The following LHFPL4 variants were observed in gnomAD, a reference collection of about 807,000 sequenced individuals.
LHFPL4 encodes LHFPL tetraspan subfamily member 4 protein.
Under a neutral mutation model 20.0 loss-of-function variants are expected in LHFPL4, and 6 were observed. The ratio of observed to expected loss-of-function variants is 0.30; its 90% CI spans 0.16 to 0.59. The LOEUF is 0.59. Among genes scored for constraint, LHFPL4 ranks in the 20% least tolerant of loss-of-function variants. The pLI is 0.88. For missense variants in LHFPL4, 215 were observed against 331.2 expected, an observed-to-expected ratio of 0.65 and a Z score of 2.72; for synonymous variants, 129 against 143.8, an observed-to-expected ratio of 0.90 and a Z score of 0.74.
At chr3:9,533,534 A>G (rs921841291) in intron 2 of LHFPL4, among the ~76,000 whole-genome samples, 2 of 152,182 alleles carry the variant, frequency 1.3e-5, no homozygotes, top group South Asian at 2.1e-4. Flanking sequence ...TGTAATCCCA[A>G]CACTTTGCGA....
chr3:9,545,805 G>T (rs2046508103), intron 2 of LHFPL4, among the ~76,000 whole-genome samples: 1 of 151,252 alleles, frequency 6.6e-6, no homozygotes, highest in South Asian at 2.1e-4. Flanking sequence ...GCTACTGAGG[G>T]AGCTGAGGTG....
chr3:9,547,979 T>C (rs1276034016), intron 2 of LHFPL4, among the ~76,000 whole-genome samples: 1 of 152,110 alleles, frequency 6.6e-6, no homozygotes, highest in African/African-American at 2.4e-5. Context: ...CTAATTTTTG[T>C]ATTATTTGTA....
chr3:9,514,503 A>G (rs2046284669), intron 2 of LHFPL4, among the ~76,000 whole-genome samples: 1 of 152,216 alleles, frequency 6.6e-6, no homozygotes, highest in African/African-American at 2.4e-5. Flanking sequence ...CAACATTGAC[A>G]CATTATCACC....
At chr3:9,513,117 T>TC (rs2046272136) in intron 2 of LHFPL4, among the ~76,000 whole-genome samples, 1 of 151,676 alleles carries the variant, frequency 6.6e-6, no homozygotes, top group Non-Finnish European at 1.5e-5. Context: ...CCGCCACTAC[T>TC]CCCGGCTAAT....
intron 2 of LHFPL4, among the ~76,000 whole-genome samples, chr3:9,548,769 T>A (rs888102286): frequency 2.0e-5 from 3 of 152,228 alleles, no homozygotes; most frequent in Non-Finnish European, 2.9e-5. Flanking sequence ...GATAGGCATG[T>A]GGCTCGGGCC....
chr3:9,535,206 A>G lies in LHFPL4; in HGVS notation c.406+17068T>C, dbSNP rs192137885. ...ACAACATAATTTCTTTTTGGGAAAA[A>G]TGTTCACACAGTGACAGCAAATAGT... On this transcript the variant is annotated intron_variant, in intron 2 of 3. Coordinates refer to ENST00000287585, the MANE Select transcript of LHFPL4 (RefSeq NM_198560.3). Among the ~76,000 whole-genome samples, 138 of 152,356 alleles carry G rather than the reference A, an allele frequency of 9.1e-4. 1 individual carries two copies. The South Asian group carries it at 9.3e-3, about 10-fold the overall frequency.
At chr3:9,546,905 G>A (rs1454235738) in intron 2 of LHFPL4, among the ~76,000 whole-genome samples, 1 of 152,198 alleles carries the variant, frequency 6.6e-6, no homozygotes, top group Non-Finnish European at 1.5e-5. Flanking sequence ...TGGAGAAACT[G>A]AGATTCAGAG....
chr3:9,550,266 C>A (rs1045643110), intron 2 of LHFPL4, among the ~76,000 whole-genome samples: 1 of 152,188 alleles, frequency 6.6e-6, no homozygotes, highest in Non-Finnish European at 1.5e-5. Flanking sequence ...AATCTCTGAA[C>A]AAAATGGAAT....
At chr3:9,536,726 G>A (rs1321917410) in intron 2 of LHFPL4, among the ~76,000 whole-genome samples, 1 of 152,046 alleles carries the variant, frequency 6.6e-6, no homozygotes, top group Non-Finnish European at 1.5e-5. Flanking sequence ...CTTTGGAAGA[G>A]TGAAATGGGA....
intron 2 of LHFPL4, among the ~76,000 whole-genome samples, chr3:9,535,819 G>C (rs1249571859): frequency 6.6e-6 from 1 of 151,964 alleles, no homozygotes; most frequent in African/African-American, 2.4e-5. Flanking sequence ...ATTTCTTTTT[G>C]AGATAGGGTC....
intron 2 of LHFPL4, among the ~76,000 whole-genome samples, chr3:9,527,475 G>C (rs781744252): frequency 3.9e-5 from 6 of 152,070 alleles, no homozygotes; most frequent in African/African-American, 1.2e-4. Flanking sequence ...CACTTATTTG[G>C]GAGTGCTGAG....
intron 2 of LHFPL4, among the ~76,000 whole-genome samples, chr3:9,544,304 AC>A (rs917579393): frequency 2.0e-5 from 3 of 148,514 alleles, no homozygotes; most frequent in Non-Finnish European, 4.4e-5. Flanking sequence ...AAAAAAAAAA[AC>A]CCTTTAACAA....
chr3:9,523,629 T>C (rs939805045), intron 2 of LHFPL4, among the ~76,000 whole-genome samples: 7 of 151,820 alleles, frequency 4.6e-5, no homozygotes, highest in African/African-American at 1.7e-4. Flanking sequence ...TGTGCCACCA[T>C]GCCCAGCTAA....
chr3:9,511,103 G>A (rs2046256339), intron 2 of LHFPL4, among the ~76,000 whole-genome samples: 2 of 151,874 alleles, frequency 1.3e-5, no homozygotes, highest in Admixed American at 1.3e-4. Context: ...TGTAATCCCA[G>A]GACTTTGGGA....
intron 2 of LHFPL4, among the ~76,000 whole-genome samples, chr3:9,526,980 T>C (rs1188437595): frequency 6.6e-6 from 1 of 151,262 alleles, no homozygotes; most frequent in African/African-American, 2.4e-5. Context: ...GTAAATTTCA[T>C]GTACATGTAT....
At position 9,498,806 on chromosome 3, in the gene LHFPL4, C is replaced by G. The variant is rs976441110; in HGVS notation, c.*3405G>C. ...AAAAGGCCAGGGACTCTCCCCACAG[C>G]CTTATCTAAAAGTTCTCATCATCTT... On this transcript the variant is annotated 3_prime_UTR_variant, in exon 4 of 4. Coordinates refer to ENST00000287585, the MANE Select transcript of LHFPL4 (RefSeq NM_198560.3). The G allele has an allele frequency of 6.5e-6, 1 of 152,688 alleles. No homozygotes were observed. The highest frequency in any genetic ancestry group is 1.5e-5 in the Non-Finnish European group (1 of 68,074). 9.5% of individuals were successfully genotyped at this position (152,688 alleles called of 1,614,324 possible). A position where few individuals can be genotyped will look rare whatever the true frequency, so the allele number is the denominator to read the frequency against.
intron 2 of LHFPL4, among the ~76,000 whole-genome samples, chr3:9,519,408 TTCTC>T (rs1174482034): frequency 1.3e-5 from 2 of 152,022 alleles, no homozygotes; most frequent in Non-Finnish European, 2.9e-5. Flanking sequence ...CAATTTGAGT[TTCTC>T]TCTCTCTCAT....
chr3:9,519,359 G>A (rs1276025263), intron 2 of LHFPL4, among the ~76,000 whole-genome samples: 1 of 152,082 alleles, frequency 6.6e-6, no homozygotes, highest in East Asian at 1.9e-4. Context: ...ACAGGCATGA[G>A]CCACCACACC....
chr3:9,519,536 T>C (rs560572687), intron 2 of LHFPL4, among the ~76,000 whole-genome samples: 1 of 152,292 alleles, frequency 6.6e-6, no homozygotes, highest in African/African-American at 2.4e-5. Context: ...TGCTCTAACT[T>C]TTGTTTCTCT....
Sources: gnomAD v4.1 joint callset for allele counts (sites outside exome capture counted in the v4.1 genomes callset) on GRCh38, gnomAD v4.1.1 for gene constraint, MANE v1.5 for transcripts, NCBI Gene and HGNC (gene_info 2026-07-23, HGNC 2026-07-21) for gene names.